Variants in NCKAP5 observed in about 807,000 individuals in gnomAD.
The protein encoded by NCKAP5 is nck-associated protein 5.
A neutral mutation model predicts 167.0 loss-of-function variants in NCKAP5; 92 were observed. The observed-to-expected ratio is 0.55, with a 90% CI of 0.47 to 0.66. The LOEUF (loss-of-function observed/expected upper bound fraction) is 0.66. Among genes scored for constraint, NCKAP5 ranks in the 30% least tolerant of loss-of-function variants. NCKAP5 has a pLI of 0.00. For missense variants in NCKAP5, 2,378 were observed against 2,315.0 expected (o/e 1.03, Z -0.56); for synonymous variants, 891 against 877.4 (o/e 1.02, Z -0.27).
intron 1 of NCKAP5, among the ~76,000 whole-genome samples, chr2:133,564,677 A>C (rs1281967780): frequency 1.3e-5 from 2 of 152,150 alleles, no homozygotes; most frequent in Non-Finnish European, 2.9e-5. Flanking sequence ...AAGCCAAGGA[A>C]CGTGGAAGGA....
intron 16 of NCKAP5, among the ~76,000 whole-genome samples, chr2:132,755,739 G>T (rs1175960757): frequency 6.6e-6 from 1 of 151,652 alleles, no homozygotes; most frequent in Non-Finnish European, 1.5e-5. Context: ...TAAGGCAGGA[G>T]AATCGCTTGA....
chr2:133,199,016 A>G (rs985338293), intron 5 of NCKAP5, among the ~76,000 whole-genome samples: 2 of 152,114 alleles, frequency 1.3e-5, no homozygotes, highest in African/African-American at 4.8e-5. Flanking sequence ...AAGGAAATAA[A>G]TTCATTTCAA....
intron 6 of NCKAP5, among the ~76,000 whole-genome samples, chr2:133,024,071 G>T (rs1342938851): frequency 6.6e-6 from 1 of 152,092 alleles, no homozygotes; most frequent in African/African-American, 2.4e-5. Flanking sequence ...ACATTAAATA[G>T]ACCTAACCAT....
At chr2:133,568,653 C>T (rs1287675438), upstream of NCKAP5, among the ~76,000 whole-genome samples, 1 of 152,094 alleles carries the variant, frequency 6.6e-6, no homozygotes, top group Non-Finnish European at 1.5e-5. Context: ...CCCATTGATT[C>T]ACATTTTTGA....
intron 3 of NCKAP5, among the ~76,000 whole-genome samples, chr2:133,505,054 C>T (rs4954059): frequency 0.35 from 52,473 of 151,994 alleles, 9,480 homozygotes; most frequent in Non-Finnish European, 0.4. Flanking sequence ...GGAGAACCAG[C>T]GGGACCTTGT....
intron 8 of NCKAP5, among the ~76,000 whole-genome samples, chr2:132,948,467 G>T (rs1331485887): frequency 6.6e-6 from 1 of 152,144 alleles, no homozygotes; most frequent in African/African-American, 2.4e-5. Flanking sequence ...GAGCGAAGGG[G>T]CACAGGCAGG....
chr2:133,394,312 A>G lies in NCKAP5; in HGVS notation c.70-91202T>C, dbSNP rs113117497. On this transcript the variant is annotated intron_variant, in intron 3 of 19. Transcript: ENST00000409261. The stretch of plus-strand genomic sequence containing the variant: ...CCAATTACAAAGTAATGAGATTGGG[A>G]GTATGGTAGGCCAAATGCATGGAAG... 8.0e-3 allele frequency among the ~76,000 whole-genome samples: 1,218 copies of G among 152,300 alleles called. 16 individuals carry two copies. Among genetic ancestry groups the G allele is most frequent in the African/African-American group, 0.025 (1,051 of 41,556 alleles).
chr2:133,654,510 T>G, the NCKAP5 span, among the ~76,000 whole-genome samples: 1 of 152,216 alleles, frequency 6.6e-6, no homozygotes, highest in African/African-American at 2.4e-5. Context: ...AACGAGTTTC[T>G]GCTTTGCACC....
At chr2:133,151,685 T>A (rs1302174181) in intron 5 of NCKAP5, among the ~76,000 whole-genome samples, 1 of 152,190 alleles carries the variant, frequency 6.6e-6, no homozygotes, top group African/African-American at 2.4e-5. Flanking sequence ...TATAAAATGG[T>A]ACAGCTAGAT....
chr2:133,519,909 C>T (rs6430425), intron 2 of NCKAP5, among the ~76,000 whole-genome samples: 54,479 of 151,992 alleles, frequency 0.36, 10,505 homozygotes, highest in East Asian at 0.62. Context: ...GCCAAGCGGC[C>T]GGGCACGGTG....
intron 1 of NCKAP5, among the ~76,000 whole-genome samples, chr2:133,564,204 G>A (rs1392586648): frequency 6.6e-6 from 1 of 151,938 alleles, no homozygotes; most frequent in Non-Finnish European, 1.5e-5. Context: ...TGTGACTTGT[G>A]CACATTACTT....
chr2:133,517,040 G>C (rs1038820634), intron 3 of NCKAP5, among the ~76,000 whole-genome samples: 4 of 152,100 alleles, frequency 2.6e-5, no homozygotes, highest in Non-Finnish European at 4.4e-5. Flanking sequence ...TACCTAAGAA[G>C]GTCTCCAAGA....
intron 11 of NCKAP5, among the ~76,000 whole-genome samples, chr2:132,810,576 C>T (rs770556800): frequency 6.6e-6 from 1 of 152,032 alleles, no homozygotes; most frequent in Non-Finnish European, 1.5e-5. Context: ...GCTGAGACTT[C>T]CAGAGCATTT....
intron 9 of NCKAP5, among the ~76,000 whole-genome samples, chr2:132,877,224 T>G (rs2148804234): frequency 6.6e-6 from 1 of 152,316 alleles, no homozygotes; most frequent in Admixed American, 6.5e-5. Flanking sequence ...AGTGTTTAAC[T>G]TTGGACATTG....
chr2:132,788,268 G>A (rs1448849451), intron 13 of NCKAP5, among the ~76,000 whole-genome samples: 2 of 152,128 alleles, frequency 1.3e-5, no homozygotes, highest in Non-Finnish European at 2.9e-5. Context: ...CTGTTGCTGA[G>A]GTGCAGGCCT....
At chr2:133,049,588 T>A (rs1388929483) in intron 6 of NCKAP5, among the ~76,000 whole-genome samples, 5 of 151,592 alleles carry the variant, frequency 3.3e-5, no homozygotes, top group Non-Finnish European at 7.4e-5. Context: ...ACAGGCAAGT[T>A]TTTCACAGTA....
At chr2:133,578,163 G>A in the NCKAP5 span, among the ~76,000 whole-genome samples, 1 of 152,110 alleles carries the variant, frequency 6.6e-6, no homozygotes, top group African/African-American at 2.4e-5. Context: ...TAAAGATTCT[G>A]TGTGGTTTCC....
At chr2:133,550,913 A>C (rs1687237417) in intron 2 of NCKAP5, among the ~76,000 whole-genome samples, 1 of 151,296 alleles carries the variant, frequency 6.6e-6, no homozygotes, top group Non-Finnish European at 1.5e-5. Flanking sequence ...CAGGATACAA[A>C]ATCAATGTAC....
At chr2:133,642,405 C>A in the NCKAP5 span, among the ~76,000 whole-genome samples, 10 of 152,130 alleles carry the variant, frequency 6.6e-5, no homozygotes, top group African/African-American at 2.4e-4. Flanking sequence ...CATATTTTTA[C>A]CATTTTAGCC....
Sources: allele counts gnomAD v4.1 joint callset (sites outside exome capture counted in the v4.1 genomes callset), GRCh38; gene constraint gnomAD v4.1.1; transcripts MANE v1.5; gene names NCBI Gene and HGNC (gene_info 2026-07-23, HGNC 2026-07-21).